The following CWF19L2 variants were observed in gnomAD, a reference collection of about 807,000 sequenced individuals.
CWF19L2 encodes CWF19 like cell cycle control factor 2.
A neutral mutation model predicts 111.7 loss-of-function variants in CWF19L2; 98 were observed. The observed-to-expected ratio is 0.88, with a 90% CI of 0.75 to 1.04. The LOEUF is 1.04. Among genes scored for constraint, CWF19L2 ranks in the 50% least tolerant of loss-of-function variants. The pLI is 0.00. For synonymous variants in CWF19L2, 351 were observed against 342.9 expected (o/e 1.02, Z -0.26); for missense variants, 1,101 against 1,051.4 (o/e 1.05, Z -0.65).
intron 10 of CWF19L2, among the ~76,000 whole-genome samples, chr11:107,396,581 A>C (rs879745652): frequency 2.0e-5 from 3 of 152,244 alleles, no homozygotes; most frequent in Non-Finnish European, 4.4e-5. Context: ...TGGTATCTAT[A>C]GTATTTGTGA....
intron 6 of CWF19L2, among the ~76,000 whole-genome samples, chr11:107,436,927 T>C (rs565773973): frequency 8.5e-5 from 13 of 152,274 alleles, no homozygotes; most frequent in Non-Finnish European, 1.5e-4. Flanking sequence ...AAAGCTGATA[T>C]ATAACTGTGC....
intron 12 of CWF19L2, among the ~76,000 whole-genome samples, chr11:107,367,663 T>A (rs1471315538): frequency 5.8e-5 from 5 of 86,916 alleles, no homozygotes; most frequent in Middle Eastern, 0.014. Context: ...AATATCACAC[T>A]CTGGGGACTG....
chr11:107,410,940 G>C (rs781131293), intron 10 of CWF19L2, among the ~76,000 whole-genome samples: 1 of 152,076 alleles, frequency 6.6e-6, no homozygotes, highest in Non-Finnish European at 1.5e-5. Flanking sequence ...AATCTGGTGG[G>C]ACATAGCAAA....
intron 12 of CWF19L2, among the ~76,000 whole-genome samples, chr11:107,382,751 G>A (rs1170692980): frequency 6.6e-6 from 1 of 152,226 alleles, no homozygotes; most frequent in African/African-American, 2.4e-5. Flanking sequence ...ACAATGTTGG[G>A]TATCTCAAGC....
At chr11:107,379,660 A>G (rs1591173545) in intron 12 of CWF19L2, among the ~76,000 whole-genome samples, 1 of 152,358 alleles carries the variant, frequency 6.6e-6, no homozygotes, top group East Asian at 1.9e-4. Context: ...TTAAACATAC[A>G]AAAATATTAA....
intron 8 of CWF19L2, among the ~76,000 whole-genome samples, chr11:107,423,493 G>C (rs895180166): frequency 2.0e-5 from 3 of 151,782 alleles, no homozygotes; most frequent in African/African-American, 7.2e-5. Flanking sequence ...TGTTTCCTAA[G>C]TGAGAAACTT....
chr11:107,444,794 G>GA (rs1861678584), intron 3 of CWF19L2, among the ~76,000 whole-genome samples: 2 of 152,122 alleles, frequency 1.3e-5, no homozygotes, highest in South Asian at 4.1e-4. Flanking sequence ...AACCAAGTCA[G>GA]AAACTCAGGA....
chr11:107,443,478 CA>C (rs34205274), intron 3 of CWF19L2, among the ~76,000 whole-genome samples: 8 of 148,290 alleles, frequency 5.4e-5, no homozygotes, highest in African/African-American at 1.5e-4. Flanking sequence ...GACTCCGTCT[CA>C]AAAAAAAAAA....
Position 107,331,313 on chromosome 11 carries a change from C to T in CWF19L2, c.2440-1294G>A, listed in dbSNP as rs989658256. On this transcript the variant is annotated intron_variant, in intron 16 of 17. Transcript: ENST00000282251. ...TGAAGAAATGCCCTAGTCCTCAATT[C>T]GCCATGAATATACTGCCTTAGGTGA... 3.5e-4 allele frequency among the ~76,000 whole-genome samples: 53 copies of T among 152,248 alleles called. 1 individual carries two copies. Among genetic ancestry groups the T allele is most frequent in the African/African-American group, 1.2e-3 (51 of 41,542 alleles).
intron 8 of CWF19L2, among the ~76,000 whole-genome samples, chr11:107,418,915 G>A (rs2135400136): frequency 6.6e-6 from 1 of 152,326 alleles, no homozygotes; most frequent in East Asian, 1.9e-4. Context: ...TACAGTGCAG[G>A]ACAGTGACCT....
rs1186246150 is a variant in CWF19L2 at position 107,442,730 on chromosome 11, GAA to G, written c.450+207_450+208del. Among the ~76,000 whole-genome samples the G allele has an allele frequency of 4.6e-3, 491 of 107,140 alleles. 7 individuals are homozygous for G. Among genetic ancestry groups the G allele is most frequent in the East Asian group, 0.019 (71 of 3,692 alleles). The allele number at this position is 107,140 out of a possible 152,430, so 70.3% of individuals were successfully genotyped here. On this transcript the variant is annotated intron_variant, in intron 4 of 17. Coordinates refer to ENST00000282251, the MANE Select transcript of CWF19L2 (RefSeq NM_152434.3). The stretch of plus-strand genomic sequence containing the variant: ...AGAGAGAGAGAGAGAGAAAGAGAAA[GAA>G]AGAAAGGAAGGAAGGAAGGAAGGAA...
chr11:107,338,364 G>A (rs1272030066), intron 14 of CWF19L2, among the ~76,000 whole-genome samples: 5 of 152,088 alleles, frequency 3.3e-5, no homozygotes, highest in African/African-American at 1.2e-4. Flanking sequence ...TACATGAATA[G>A]AACCATGTAA....
chr11:107,426,334 A>G (rs1861376247), intron 8 of CWF19L2, among the ~76,000 whole-genome samples: 1 of 151,966 alleles, frequency 6.6e-6, no homozygotes, highest in Non-Finnish European at 1.5e-5. Flanking sequence ...AAAAAGTTCA[A>G]TAATACTATC....
Position 107,441,604 on chromosome 11 carries a change from C to T in CWF19L2, c.469G>A (p.Val157Ile), listed in dbSNP as rs1267393645. 6 of 1,533,932 alleles carry T rather than the reference C, an allele frequency of 3.9e-6. No individual in the cohort carries two copies. The highest frequency in any genetic ancestry group is 2.1e-5 in the Admixed American group (1 of 46,788). ...ACAGTTTTAACAGACATAAAATCAACAGTCATCCACTCATCCCTCTGTTAA... is the reference window on the plus strand; with the variant it reads ...ACAGTTTTAACAGACATAAAATCAATAGTCATCCACTCATCCCTCTGTTAA... The part of the protein sequence containing the change: ...QIIKRDEWMT[V>I]DFMSVKTVSS... Residue 157 changes from valine (V) to isoleucine (I), a missense_variant, in exon 5 of 18, where the codon GTT (valine) becomes ATT (isoleucine). Coordinates refer to ENST00000282251, the MANE Select transcript of CWF19L2 (RefSeq NM_152434.3).
chr11:107,363,284 C>A (rs1420355883), intron 12 of CWF19L2, among the ~76,000 whole-genome samples: 3 of 152,114 alleles, frequency 2.0e-5, no homozygotes, highest in Non-Finnish European at 4.4e-5. Context: ...CCCAATCTAG[C>A]AAGGCAGGCC....
rs1170294219 is a variant in CWF19L2 at position 107,374,437 on chromosome 11, C to T, written c.1872+15637G>A. On this transcript the variant is annotated intron_variant, in intron 12 of 17. Transcript: ENST00000282251. ...AGCAGATCTCTCGGCAGAAACTCTA[C>T]AAGCCAGAAGAGAGTGGGGGCCAAT... Among the ~76,000 whole-genome samples, 33 of 134,414 alleles carry T rather than the reference C, an allele frequency of 2.5e-4. 3 individuals carry two copies. In the East Asian group the frequency reaches 7.0e-3, roughly 29 times the overall value. 88.2% of individuals were successfully genotyped at this position (134,414 alleles called of 152,430 possible).
chr11:107,447,965 G>A (rs1462665647), intron 3 of CWF19L2, among the ~76,000 whole-genome samples: 6 of 151,788 alleles, frequency 4.0e-5, no homozygotes, highest in South Asian at 2.1e-4. Flanking sequence ...AGATCCAAAC[G>A]AAACATCTAA....
rs1026083734 is a variant in CWF19L2, at chr11:107,367,921, A to T, written c.1873-14185T>A. Among the ~76,000 whole-genome samples, 2 of 138,090 alleles carry T rather than the reference A, an allele frequency of 1.4e-5. 1 individual carries two copies. Among genetic ancestry groups the T allele is most frequent in the East Asian group, 4.2e-4 (2 of 4,796 alleles). 90.6% of individuals were successfully genotyped at this position (138,090 alleles called of 152,430 possible). On this transcript the variant is annotated intron_variant, in intron 12 of 17. Transcript: ENST00000282251. Reference sequence around the variant, plus strand: ...TTTAAACAAATGAAACTGCAAATACAGCATACCCAAACCAGTGAGATATAG... The same window carrying T: ...TTTAAACAAATGAAACTGCAAATACTGCATACCCAAACCAGTGAGATATAG...
intron 10 of CWF19L2, among the ~76,000 whole-genome samples, chr11:107,413,705 T>C: frequency 6.6e-6 from 1 of 152,228 alleles, no homozygotes; most frequent in African/African-American, 2.4e-5. Context: ...TTCTTTAATC[T>C]GTGCAAGAAA....
Sources: allele counts gnomAD v4.1 joint callset (sites outside exome capture counted in the v4.1 genomes callset), GRCh38; gene constraint gnomAD v4.1.1; transcripts MANE v1.5; gene names NCBI Gene and HGNC (gene_info 2026-07-23, HGNC 2026-07-21).